Variants in LRP2 observed in about 807,000 individuals in gnomAD.
LRP2 encodes the protein LDL receptor related protein 2.
In LRP2, 172 loss-of-function variants were observed where a neutral mutation model predicts 531.0. The observed-to-expected ratio is 0.32, with a 90% CI of 0.29 to 0.37. The LOEUF (loss-of-function observed/expected upper bound fraction) is 0.37, where lower values mean the gene tolerates loss of function less well. Ranked by LOEUF, LRP2 falls within the 10% of genes least tolerant of loss-of-function variation. The pLI is 1.00. For missense variants in LRP2, 5,167 were observed against 5,868.3 expected (o/e 0.88, Z 3.90); for synonymous variants, 1,992 against 2,027.6 (o/e 0.98, Z 0.47).
At chr2:169,303,228 T>C (rs182834426) in intron 4 of LRP2, among the ~76,000 whole-genome samples, 2 of 152,278 alleles carry the variant, frequency 1.3e-5, no homozygotes, top group East Asian at 3.9e-4. Flanking sequence ...TAGACAATAA[T>C]ATGTAAAAAT....
chr2:169,143,114 G>T (rs1452769314), intron 70 of LRP2, among the ~76,000 whole-genome samples: 1 of 152,112 alleles, frequency 6.6e-6, no homozygotes, highest in Non-Finnish European at 1.5e-5. Context: ...AATCTACTCA[G>T]TGCTAAACAA....
intron 16 of LRP2, among the ~76,000 whole-genome samples, chr2:169,263,672 G>A (rs1318981714): frequency 6.6e-6 from 1 of 151,692 alleles, no homozygotes; most frequent in African/African-American, 2.4e-5. Context: ...TTCAACCATT[G>A]TGGAAGTCAG....
chr2:169,333,393 TA>T (rs1685316476), intron 1 of LRP2, among the ~76,000 whole-genome samples: 2 of 151,598 alleles, frequency 1.3e-5, no homozygotes, highest in Admixed American at 1.3e-4. Context: ...ACGAACTATA[TA>T]TGATGTGTTA....
At chr2:169,162,450 A>AT in intron 63 of LRP2, 22 bp downstream of exon 63, 1 of 1,613,832 alleles carries the variant, frequency 6.2e-7, no homozygotes, top group South Asian at 1.1e-5. Context: ...ACAATGAACT[A>AT]TAAAAACAAG....
intron 52 of LRP2, among the ~76,000 whole-genome samples, chr2:169,178,342 G>T (rs562443649): frequency 1.3e-5 from 2 of 152,214 alleles, no homozygotes; most frequent in Middle Eastern, 6.8e-3. Flanking sequence ...TAGGTTTATG[G>T]CCTCTTATAG....
intron 31 of LRP2, among the ~76,000 whole-genome samples, chr2:169,227,432 T>C (rs910454294): frequency 2.0e-5 from 3 of 152,216 alleles, no homozygotes; most frequent in African/African-American, 7.2e-5. Context: ...ATAATAAAAG[T>C]TCCTTTTTCA....
intron 76 of LRP2, among the ~76,000 whole-genome samples, chr2:169,135,803 A>G (rs1685482279): frequency 1.3e-5 from 2 of 152,046 alleles, no homozygotes; most frequent in South Asian, 2.1e-4. Flanking sequence ...CTTGGACTGC[A>G]CCCCAAAAAA....
intron 8 of LRP2, among the ~76,000 whole-genome samples, chr2:169,289,673 T>C (rs1683951020): frequency 6.6e-6 from 1 of 152,194 alleles, no homozygotes; most frequent in African/African-American, 2.4e-5. Flanking sequence ...GGTCTATCTT[T>C]GTGTCTACAT....
chr2:169,231,735 C>T lies in LRP2; in HGVS notation c.5206G>A (p.Asp1736Asn). 6.2e-7 allele frequency: 1 copy of T among 1,614,038 alleles called. No individual in the cohort carries two copies. Among genetic ancestry groups the T allele is most frequent in the Non-Finnish European group, 8.5e-7 (1 of 1,179,964 alleles). Residue 1736 changes from aspartate (D) to asparagine (N), a missense_variant, in exon 31 of 79, where the codon GAT becomes AAT. This residue lies in a region of LRP2 where 2,811 missense variants were observed against 3,058.0 expected (regional missense o/e 0.92). Transcript: ENST00000649046. ...ATACCTCTCAAGCAATTCAGGAGAT[C>T]AGGAGACAGACTCCATCCTGAAGGA... is the stretch of plus-strand genomic sequence containing the variant. ...VCPSGWSLSPDLLNCLRDDQP... is the reference protein window; with the variant it reads ...VCPSGWSLSPNLLNCLRDDQP...
intron 67 of LRP2, among the ~76,000 whole-genome samples, chr2:169,151,690 CT>C (rs1686138783): frequency 2.0e-5 from 3 of 152,172 alleles, no homozygotes; most frequent in African/African-American, 7.2e-5. Flanking sequence ...TTTCTTAATT[CT>C]CTTATTCATT....
intron 1 of LRP2, among the ~76,000 whole-genome samples, chr2:169,346,013 A>G (rs1182097854): frequency 6.6e-6 from 1 of 152,244 alleles, no homozygotes; most frequent in Non-Finnish European, 1.5e-5. Flanking sequence ...TACAGCTTTA[A>G]TAAAACTCCA....
chr2:169,312,040 T>C (rs1684613195), intron 3 of LRP2, among the ~76,000 whole-genome samples: 1 of 152,158 alleles, frequency 6.6e-6, no homozygotes, highest in African/African-American at 2.4e-5. Flanking sequence ...TTTTTTTGTG[T>C]TTTCCATTTG....
At position 169,328,969 on chromosome 2, in the gene LRP2, C is replaced by T. The variant is rs149627710; in HGVS notation, c.80-8085G>A. Reference sequence around the variant, plus strand: ...AATGGCCCCATTTCATAGATGAGGACGACAAGGCTTGAACAAATCTCACAG... The same window carrying T: ...AATGGCCCCATTTCATAGATGAGGATGACAAGGCTTGAACAAATCTCACAG... On this transcript the variant is annotated intron_variant, in intron 1 of 78. Transcript: ENST00000649046. Among the ~76,000 whole-genome samples the T allele has an allele frequency of 1.8e-3, 275 of 152,288 alleles. 1 individual carries two copies. The highest frequency in any genetic ancestry group is 3.0e-3 in the Non-Finnish European group (207 of 68,026).
At chr2:169,203,888 G>T in intron 42 of LRP2, 94 bp downstream of exon 42, 1 of 1,370,434 alleles carries the variant, frequency 7.3e-7, no homozygotes, top group Non-Finnish European at 1.0e-6. Flanking sequence ...AGGAGAATTT[G>T]AATTTTTTCT....
At chr2:169,147,815 T>C (rs1053541316) in intron 68 of LRP2, among the ~76,000 whole-genome samples, 4 of 152,212 alleles carry the variant, frequency 2.6e-5, no homozygotes, top group Non-Finnish European at 4.4e-5. Context: ...AGCAAGACCC[T>C]GTGTAAGAGC....
chr2:169,348,346 A>G (rs1207285664), intron 1 of LRP2, among the ~76,000 whole-genome samples: 1 of 152,200 alleles, frequency 6.6e-6, no homozygotes, highest in African/African-American at 2.4e-5. Flanking sequence ...CCCAGGAGAC[A>G]AGTGGCCATG....
rs142217334 is a variant in LRP2, at chr2:169,280,806, G to T, written c.1172-287C>A. Among the ~76,000 whole-genome samples the T allele has an allele frequency of 5.9e-5, 9 of 152,304 alleles. No homozygotes were observed. In the East Asian group the frequency reaches 1.7e-3, roughly 29 times the overall value. On this transcript the variant is annotated intron_variant, in intron 10 of 78. Coordinates refer to ENST00000649046, the MANE Select transcript of LRP2 (RefSeq NM_004525.3). ...GATGCTAGTCCAATGCACTTTCAAT[G>T]ACACTGAGGAGAGTATTTCTCAGAT... is the stretch of plus-strand genomic sequence containing the variant.
rs1037378752 is a variant in LRP2, at chr2:169,185,639, C to T, written c.9709G>A (p.Val3237Ile). ...TCAATCCAATACAATCTCTTCTCTA[C>T]TCGGTCAAAATCTAATGCCACAACA... ...DNVVALDFDR[V>I]EKRLYWIDTQ... is the part of the protein sequence containing the mutation. Residue 3237 changes from valine to isoleucine, a missense_variant, in exon 50 of 79, where the codon GTA (valine) becomes ATA (isoleucine). Transcript: ENST00000649046. 4 of 1,614,168 alleles carry T rather than the reference C, an allele frequency of 2.5e-6. No homozygotes were observed. The highest frequency in any genetic ancestry group is 8.5e-7 in the Non-Finnish European group (1 of 1,180,022).
rs1179712588 is a variant in LRP2, at chr2:169,241,329, A to T, written c.3704T>A (p.Phe1235Tyr). 1 of 1,614,154 alleles carries T rather than the reference A, an allele frequency of 6.2e-7. No individual in the cohort carries two copies. Among genetic ancestry groups the T allele is most frequent in the Non-Finnish European group, 8.5e-7 (1 of 1,180,026 alleles). ...GCAGATACCATCTTCTTGGCACTGA[A>T]ATTCATCTGAGTGGCACATACCAGG... ...RPPGMCHSDEFQCQEDGICIP... is the reference protein window; with the variant it reads ...RPPGMCHSDEYQCQEDGICIP... The change falls in exon 25 of 79, where the codon TTT (phenylalanine) becomes TAT (tyrosine). Residue 1235 changes from phenylalanine to tyrosine, a missense_variant. Physicochemically the swap from Phe to Tyr is conservative, Grantham distance 22 (BLOSUM62 3). Coordinates refer to ENST00000649046, the MANE Select transcript of LRP2 (RefSeq NM_004525.3).
Sources: gnomAD v4.1 joint callset for allele counts (sites outside exome capture counted in the v4.1 genomes callset) on GRCh38, gnomAD v4.1.1 for gene constraint, gnomAD v4.1.1 regional missense constraint, MANE v1.5 for transcripts, NCBI Gene and HGNC (gene_info 2026-07-23, HGNC 2026-07-21) for gene names.